SLC2A13: variants seen among roughly 807,000 people sequenced by gnomAD.
The protein encoded by SLC2A13 is proton myo-inositol cotransporter.
In SLC2A13, 32 loss-of-function variants were observed where a neutral mutation model predicts 64.4. That is an observed-to-expected ratio of 0.50 (90% CI 0.37 to 0.67). The LOEUF is 0.67. SLC2A13 is among the 30% of genes least tolerant of loss of function. The pLI is 0.00. For missense variants in SLC2A13, 743 were observed against 829.2 expected (o/e 0.90, Z 1.28); for synonymous variants, 338 against 327.1 (o/e 1.03, Z -0.36).
At chr12:39,889,792 A>G (rs1431904167) in intron 4 of SLC2A13, among the ~76,000 whole-genome samples, 1 of 152,066 alleles carries the variant, frequency 6.6e-6, no homozygotes. Context: ...GGCCTCCCAA[A>G]GTGTTGGGAT....
In SLC2A13 at chr12:39,882,500, C is replaced by T. The variant is rs184097964; in HGVS notation, c.1035-10539G>A. 2.6e-4 allele frequency among the ~76,000 whole-genome samples: 40 copies of T among 152,300 alleles called. No homozygotes were observed. The East Asian group carries it at 5.4e-3, about 21-fold the overall frequency. On this transcript the variant is annotated intron_variant, in intron 4 of 9. Coordinates refer to ENST00000280871, the MANE Select transcript of SLC2A13 (RefSeq NM_052885.4). ...TTACATCTAGCAGCTGAAAGGGTCT[C>T]GAGAAAAACAAATTATCCTCACTTG...
intron 1 of SLC2A13, among the ~76,000 whole-genome samples, chr12:40,104,838 G>A (rs1939252204): frequency 6.6e-6 from 1 of 152,218 alleles, no homozygotes; most frequent in Admixed American, 6.5e-5. Flanking sequence ...GAAAACGAAA[G>A]GGGCTAGCAG....
intron 3 of SLC2A13, among the ~76,000 whole-genome samples, chr12:39,951,980 C>T (rs1329159790): frequency 4.0e-5 from 6 of 150,592 alleles, no homozygotes; most frequent in South Asian, 2.1e-4. Flanking sequence ...TGTGTGTGTA[C>T]GTGTGTGTGT....
chr12:39,919,678 C>A (rs966721198), intron 4 of SLC2A13, among the ~76,000 whole-genome samples: 6 of 152,030 alleles, frequency 3.9e-5, no homozygotes, highest in African/African-American at 1.5e-4. Context: ...AAACACCCCC[C>A]AAACCCACCC....
At chr12:39,819,395 A>G (rs1433305533) in intron 7 of SLC2A13, among the ~76,000 whole-genome samples, 1 of 152,168 alleles carries the variant, frequency 6.6e-6, no homozygotes, top group Non-Finnish European at 1.5e-5. Context: ...TAATCTTTAA[A>G]TATTTACAGA....
At chr12:39,833,315 T>A (rs995630023) in intron 6 of SLC2A13, among the ~76,000 whole-genome samples, 3 of 152,092 alleles carry the variant, frequency 2.0e-5, no homozygotes, top group Admixed American at 2.0e-4. Flanking sequence ...CTAGAACACC[T>A]ATATAGATCC....
At chr12:39,848,633 A>C (rs1943384526) in intron 6 of SLC2A13, among the ~76,000 whole-genome samples, 1 of 152,164 alleles carries the variant, frequency 6.6e-6, no homozygotes, top group South Asian at 2.1e-4. Flanking sequence ...CAAAGAGCTA[A>C]AAGCAGAACT....
chr12:40,022,994 C>T (rs1373405333), intron 3 of SLC2A13, among the ~76,000 whole-genome samples: 2 of 152,136 alleles, frequency 1.3e-5, no homozygotes, highest in African/African-American at 4.8e-5. Context: ...AAAGGCTGCT[C>T]TTTACTGCCC....
At chr12:39,955,814 A>G (rs1317012459) in intron 3 of SLC2A13, among the ~76,000 whole-genome samples, 3 of 152,192 alleles carry the variant, frequency 2.0e-5, no homozygotes, top group Non-Finnish European at 4.4e-5. Context: ...CCAAAAGCCA[A>G]GGAATGACAG....
intron 3 of SLC2A13, among the ~76,000 whole-genome samples, chr12:40,022,339 A>G (rs990620482): frequency 4.6e-5 from 7 of 152,222 alleles, no homozygotes; most frequent in African/African-American, 1.7e-4. Context: ...GCCCTACTAC[A>G]GTGACTAGCA....
chr12:39,833,877 T>A (rs1054852348), intron 6 of SLC2A13, among the ~76,000 whole-genome samples: 2 of 142,920 alleles, frequency 1.4e-5, no homozygotes, highest in Non-Finnish European at 3.0e-5. Flanking sequence ...CACTTTTGCC[T>A]CTGAAGCATG....
intron 1 of SLC2A13, among the ~76,000 whole-genome samples, chr12:40,060,438 T>G (rs1283568605): frequency 2.6e-5 from 4 of 152,192 alleles, no homozygotes; most frequent in African/African-American, 9.6e-5. Context: ...ATCTTCATAC[T>G]TATGGAAAGG....
At chr12:39,942,547 G>C (rs938097136) in intron 4 of SLC2A13, among the ~76,000 whole-genome samples, 3 of 152,130 alleles carry the variant, frequency 2.0e-5, no homozygotes, top group Non-Finnish European at 2.9e-5. Context: ...CTACTGATTT[G>C]TGTATATTAA....
At chr12:39,860,192 C>G (rs1943719266) in intron 6 of SLC2A13, among the ~76,000 whole-genome samples, 1 of 152,116 alleles carries the variant, frequency 6.6e-6, no homozygotes, top group African/African-American at 2.4e-5. Flanking sequence ...AGGAGTGTGA[C>G]TTATTTGGAC....
intron 2 of SLC2A13, among the ~76,000 whole-genome samples, chr12:40,033,776 C>T (rs577732059): frequency 1.3e-5 from 2 of 152,014 alleles, no homozygotes; most frequent in African/African-American, 4.8e-5. Context: ...TTAAAAAAAA[C>T]CATTAGGAGC....
At chr12:39,921,327 C>T (rs564515441) in intron 4 of SLC2A13, among the ~76,000 whole-genome samples, 2 of 152,020 alleles carry the variant, frequency 1.3e-5, no homozygotes, top group Non-Finnish European at 2.9e-5. Context: ...CTAAAGCAGT[C>T]AGTTCCCCTT....
intron 7 of SLC2A13, among the ~76,000 whole-genome samples, chr12:39,773,304 G>C (rs1453493624): frequency 6.6e-6 from 1 of 152,164 alleles, no homozygotes; most frequent in Non-Finnish European, 1.5e-5. Context: ...TTTTGGCTGA[G>C]TGAGAGAACT....
In SLC2A13 at chr12:39,993,721, C is replaced by A. The variant is rs1008427691; in HGVS notation, c.925+34580G>T. Among the ~76,000 whole-genome samples the A allele has an allele frequency of 2.0e-5, 3 of 152,078 alleles. No homozygotes were observed. In the South Asian group the frequency reaches 6.2e-4, roughly 32 times the overall value. On this transcript the variant is annotated intron_variant, in intron 3 of 9. Transcript: ENST00000280871. ...TATTGCTTATTTAATAGGTCATGAG[C>A]CATTAATTGATATAAAAGTGTTATG...
intron 4 of SLC2A13, among the ~76,000 whole-genome samples, chr12:39,936,710 C>T (rs1945923960): frequency 1.3e-5 from 2 of 152,126 alleles, no homozygotes; most frequent in Admixed American, 6.6e-5. Context: ...TGGATGTGTT[C>T]ACTCTCAAGC....
Sources: allele counts gnomAD v4.1 joint callset (sites outside exome capture counted in the v4.1 genomes callset), GRCh38; gene constraint gnomAD v4.1.1; transcripts MANE v1.5; gene names NCBI Gene and HGNC (gene_info 2026-07-23, HGNC 2026-07-21).